NF2: variants seen among roughly 807,000 people sequenced by gnomAD.
NF2 encodes NF2, moesin-ezrin-radixin like (MERLIN) tumor suppressor, also known as merlin.
NF2 carries 8 observed loss-of-function variants against 83.7 expected under a neutral mutation model. The ratio of observed to expected loss-of-function variants is 0.10; its 90% CI spans 0.06 to 0.17. NF2 has a LOEUF of 0.17. Ranked by LOEUF, NF2 falls within the 10% of genes least tolerant of loss-of-function variation. The probability of loss-of-function intolerance (pLI) is 1.00; values close to 1 mark genes in which losing one functional copy is unlikely to be tolerated. For missense variants in NF2, 533 were observed against 744.4 expected (o/e 0.72, Z 3.31); for synonymous variants, 266 against 269.6 (o/e 0.99, Z 0.13).
chr22:29,680,315 T>A (rs1478002871), intron 14 of NF2, among the ~76,000 whole-genome samples: 1 of 152,210 alleles, frequency 6.6e-6, no homozygotes, highest in Non-Finnish European at 1.5e-5. Context: ...TTTCACCATG[T>A]TGGTCAGGCT....
chr22:29,634,946 T>G (rs1301183941), intron 1 of NF2, among the ~76,000 whole-genome samples: 2 of 152,194 alleles, frequency 1.3e-5, no homozygotes, highest in Non-Finnish European at 1.5e-5. Flanking sequence ...AAATAATCCC[T>G]AAAGACCTCA....
chr22:29,661,350 T>C lies in NF2; in HGVS notation c.810+11T>C. 1 of 1,613,664 alleles carries C rather than the reference T, an allele frequency of 6.2e-7. No individual in the cohort carries two copies. The highest frequency in any genetic ancestry group is 8.5e-7 in the Non-Finnish European group (1 of 1,180,002). On this transcript the variant is annotated intron_variant, in intron 8 of 15. Coordinates refer to ENST00000338641, the MANE Select transcript of NF2 (RefSeq NM_000268.4). ...TACAGTGACAAGGAGGTAGGACATG[T>C]GTGTACTGCAGATGGGTCCAGCAGA...
intron 1 of NF2, among the ~76,000 whole-genome samples, chr22:29,616,603 G>T (rs2065086870): frequency 6.6e-6 from 1 of 152,220 alleles, no homozygotes; most frequent in East Asian, 1.9e-4. Flanking sequence ...TTAGCTGGGC[G>T]TGATGGCACA....
chr22:29,681,080 A>T (rs2067119721), intron 14 of NF2, among the ~76,000 whole-genome samples: 1 of 150,960 alleles, frequency 6.6e-6, no homozygotes. Context: ...AAATAGAGAC[A>T]GGGTCTTGCT....
At position 29,664,236 on chromosome 22, in the gene NF2, G is replaced by A. The variant is rs544699768; in HGVS notation, c.811-754G>A. 4.6e-5 allele frequency among the ~76,000 whole-genome samples: 7 copies of A among 152,224 alleles called. No individual in the cohort carries two copies. In the East Asian group the frequency reaches 1.2e-3, roughly 25 times the overall value. On this transcript the variant is annotated intron_variant, in intron 8 of 15. Coordinates refer to ENST00000338641, the MANE Select transcript of NF2 (RefSeq NM_000268.4). The stretch of plus-strand genomic sequence containing the variant: ...GATCCTCCTGCTTTGGCCTTCCAAA[G>A]TGTTGGGATTACGGGTGTGAGCCAC...
chr22:29,646,510 C>T (rs1171794811), intron 4 of NF2, among the ~76,000 whole-genome samples: 1 of 152,134 alleles, frequency 6.6e-6, no homozygotes, highest in African/African-American at 2.4e-5. Flanking sequence ...TGTTTTCTTC[C>T]ACAACCTTTC....
chr22:29,617,250 AT>A (rs1466245900), intron 1 of NF2, among the ~76,000 whole-genome samples: 2 of 152,058 alleles, frequency 1.3e-5, no homozygotes, highest in East Asian at 3.9e-4. Flanking sequence ...TTTGTATGAC[AT>A]TTTTCAGCCG....
Position 29,673,436 on chromosome 22 carries a change from G to A in NF2, c.1290G>A (p.Val430=), listed in dbSNP as rs756041768. 5.6e-6 allele frequency: 9 copies of A among 1,612,300 alleles called. No homozygotes were observed. The East Asian group carries it at 1.1e-4, about 20-fold the overall frequency. Residue 430 remains valine, a synonymous_variant, in exon 12 of 16, where the codon GTG becomes GTA. Transcript: ENST00000338641. ...AGAAGCGCCTGATGGAGCAGAAGGT[G>A]CTGGAAGCCGAGGTGCTGGCACTGA... The part of the protein sequence containing the change: ...EEEKRLMEQK[V]LEAEVLALKM...
intron 1 of NF2, among the ~76,000 whole-genome samples, chr22:29,635,620 G>A (rs576832053): frequency 3.9e-5 from 6 of 152,108 alleles, no homozygotes; most frequent in African/African-American, 1.4e-4. Flanking sequence ...GAACCACCAC[G>A]CCCGGCTGCC....
At chr22:29,637,961 T>C (rs1412227752) in intron 2 of NF2, among the ~76,000 whole-genome samples, 3 of 152,174 alleles carry the variant, frequency 2.0e-5, no homozygotes, top group Non-Finnish European at 4.4e-5. Context: ...TTTTTGTATG[T>C]TTTTCATGAT....
chr22:29,642,102 G>A (rs1390183032), intron 3 of NF2, 100 bp from the exon 4 acceptor site: 2 of 954,518 alleles, frequency 2.1e-6, no homozygotes, highest in Non-Finnish European at 3.4e-6. Flanking sequence ...GGCTGCTCTG[G>A]CAGCCCTCAT....
chr22:29,665,536 G>A (rs1051269377), intron 9 of NF2, among the ~76,000 whole-genome samples: 3 of 152,162 alleles, frequency 2.0e-5, no homozygotes, highest in South Asian at 2.1e-4. Context: ...GACCCACTGC[G>A]CCCAGCCGAT....
chr22:29,656,189 C>T (rs1170292964), intron 6 of NF2, among the ~76,000 whole-genome samples: 1 of 152,002 alleles, frequency 6.6e-6, no homozygotes, highest in Non-Finnish European at 1.5e-5. Context: ...ATCTGCCCAC[C>T]TCGGCCTCCC....
At chr22:29,624,957 C>T (rs1028329542) in intron 1 of NF2, among the ~76,000 whole-genome samples, 3 of 144,376 alleles carry the variant, frequency 2.1e-5, no homozygotes, top group East Asian at 4.1e-4. Flanking sequence ...CTTTCTTTCT[C>T]TTTTCTTGCT....
rs367802186 is a variant in NF2, at chr22:29,658,240, C to T, written c.651C>T (p.Tyr217=). The T allele has an allele frequency of 5.6e-6, 9 of 1,614,034 alleles. No individual in the cohort carries two copies. Among genetic ancestry groups the T allele is most frequent in the East Asian group, 4.5e-5 (2 of 44,896 alleles). ...YLKIAQDLEM[Y]GVNYFAIRNK... is the part of the protein sequence containing the mutation. ...AGATAGCTCAGGACCTGGAGATGTACGGTGTGAACTACTTTGCAATCCGGG... is the reference window on the plus strand; with the variant it reads ...AGATAGCTCAGGACCTGGAGATGTATGGTGTGAACTACTTTGCAATCCGGG... Residue 217 remains tyrosine, a synonymous_variant, in exon 7 of 16, where the codon TAC becomes TAT. Coordinates refer to ENST00000338641, the MANE Select transcript of NF2 (RefSeq NM_000268.4).
intron 15 of NF2, among the ~76,000 whole-genome samples, chr22:29,681,959 A>C (rs2067149311): frequency 6.6e-6 from 1 of 152,200 alleles, no homozygotes; most frequent in South Asian, 2.1e-4. Context: ...AATGGAGGCT[A>C]TTGAGAATGG....
chr22:29,616,231 T>C (rs1250666056), intron 1 of NF2, among the ~76,000 whole-genome samples: 5 of 152,158 alleles, frequency 3.3e-5, no homozygotes, highest in African/African-American at 1.2e-4. Context: ...ATGAAAATAC[T>C]CTAAAACTGA....
chr22:29,614,931 C>A (rs1004966213), intron 1 of NF2, among the ~76,000 whole-genome samples: 1 of 152,068 alleles, frequency 6.6e-6, no homozygotes, highest in Non-Finnish European at 1.5e-5. Context: ...TGCCTGTAAT[C>A]CTAGCACTTT....
chr22:29,666,783 C>A (rs1426092329), intron 9 of NF2, among the ~76,000 whole-genome samples: 1 of 152,090 alleles, frequency 6.6e-6, no homozygotes, highest in East Asian at 1.9e-4. Flanking sequence ...TCAAGACCAG[C>A]CTGACCAACA....
Sources: gnomAD v4.1 joint callset for allele counts (sites outside exome capture counted in the v4.1 genomes callset) on GRCh38, gnomAD v4.1.1 for gene constraint, MANE v1.5 for transcripts, NCBI Gene and HGNC (gene_info 2026-07-23, HGNC 2026-07-21) for gene names.